Variants in CSTF3 observed in about 807,000 individuals in gnomAD.
The protein encoded by CSTF3 is CF-1 77 kDa subunit.
In CSTF3, 29 loss-of-function variants were observed where a neutral mutation model predicts 105.8. The ratio of observed to expected loss-of-function variants is 0.27; its 90% CI spans 0.20 to 0.37. The LOEUF (loss-of-function observed/expected upper bound fraction) is 0.37, where lower values mean the gene tolerates loss of function less well. CSTF3 is among the 10% of genes least tolerant of loss of function. The pLI is 1.00. For synonymous variants in CSTF3, 252 were observed against 281.9 expected (o/e 0.89, Z 1.06); for missense variants, 357 against 879.3 (o/e 0.41, Z 7.51).
intron 1 of CSTF3, among the ~76,000 whole-genome samples, chr11:33,144,718 G>T (rs956978883): frequency 2.6e-5 from 4 of 152,174 alleles, no homozygotes; most frequent in African/African-American, 9.7e-5. Context: ...CATTGGAAAA[G>T]CTCTTCAGAA....
At chr11:33,151,309 A>G (rs1008030002) in intron 1 of CSTF3, among the ~76,000 whole-genome samples, 4 of 151,432 alleles carry the variant, frequency 2.6e-5, no homozygotes, top group Non-Finnish European at 4.4e-5. Context: ...TCCCACCTAG[A>G]CCTCCCGATA....
chr11:33,084,956 G>T lies in CSTF3; in HGVS notation c.*131C>A. 1 of 955,200 alleles carries T rather than the reference G, an allele frequency of 1.0e-6. No individual in the cohort carries two copies. Among genetic ancestry groups the T allele is most frequent in the Non-Finnish European group, 1.6e-6 (1 of 615,356 alleles). 59.2% of individuals were successfully genotyped at this position (955,200 alleles called of 1,614,324 possible). A position where few individuals can be genotyped will look rare whatever the true frequency, so the allele number is the denominator to read the frequency against. ...TGGTTTGTTTTTTCTCAAGAACCAT[G>T]TGATAGAGGCACCAATGACAATACA... On this transcript the variant is annotated 3_prime_UTR_variant, in exon 21 of 21. Transcript: ENST00000323959.
intron 3 of CSTF3, among the ~76,000 whole-genome samples, chr11:33,114,458 GA>G (rs35116935): frequency 2.0e-5 from 3 of 150,932 alleles, no homozygotes; most frequent in East Asian, 1.9e-4. Flanking sequence ...ATCCCTTGGG[GA>G]AAAAAAAATC....
At chr11:33,146,750 A>T (rs1212381555) in intron 1 of CSTF3, among the ~76,000 whole-genome samples, 1 of 152,086 alleles carries the variant, frequency 6.6e-6, no homozygotes, top group Non-Finnish European at 1.5e-5. Context: ...AATTTTTCTT[A>T]TTCGTCTGAG....
At chr11:33,135,021 A>T (rs1279688795) in intron 3 of CSTF3, among the ~76,000 whole-genome samples, 2 of 152,190 alleles carry the variant, frequency 1.3e-5, no homozygotes, top group Non-Finnish European at 2.9e-5. Flanking sequence ...GCTGCAGTTA[A>T]TTCTTTTAAG....
chr11:33,095,518 A>G (rs539696947), intron 15 of CSTF3, among the ~76,000 whole-genome samples: 1 of 152,314 alleles, frequency 6.6e-6, no homozygotes, highest in South Asian at 2.1e-4. Flanking sequence ...ACAACAGAAT[A>G]GGGAAATAAA....
chr11:33,136,923 T>A (rs775397092), intron 3 of CSTF3, among the ~76,000 whole-genome samples: 9 of 151,838 alleles, frequency 5.9e-5, no homozygotes, highest in Non-Finnish European at 1.0e-4. Context: ...GTCTAGGAAA[T>A]TTAGGTAAAA....
At chr11:33,148,573 G>A (rs1480113774) in intron 1 of CSTF3, among the ~76,000 whole-genome samples, 1 of 149,422 alleles carries the variant, frequency 6.7e-6, no homozygotes, top group African/African-American at 2.4e-5. Flanking sequence ...GTATGTGCCT[G>A]TAGTCTCACA....
chr11:33,151,344 T>C (rs1325391111), intron 1 of CSTF3, among the ~76,000 whole-genome samples: 1 of 151,856 alleles, frequency 6.6e-6, no homozygotes, highest in Admixed American at 6.6e-5. Context: ...TGTGCCACCA[T>C]GCCCAGCTAA....
chr11:33,119,540 G>A (rs185233726), intron 3 of CSTF3, among the ~76,000 whole-genome samples: 2 of 151,778 alleles, frequency 1.3e-5, no homozygotes, highest in African/African-American at 4.8e-5. Flanking sequence ...TTGCTTTTCT[G>A]TATTTTTTAA....
intron 3 of CSTF3, among the ~76,000 whole-genome samples, chr11:33,140,007 C>A (rs1373479881): frequency 6.6e-6 from 1 of 151,878 alleles, no homozygotes; most frequent in Admixed American, 6.6e-5. Flanking sequence ...GTTTAACTTA[C>A]GCTATAATAA....
chr11:33,130,106 C>G (rs761738762), intron 3 of CSTF3, among the ~76,000 whole-genome samples: 1 of 152,188 alleles, frequency 6.6e-6, no homozygotes, highest in Non-Finnish European at 1.5e-5. Flanking sequence ...TTTTTAAATA[C>G]AGAGCTAGAT....
At chr11:33,142,650 T>C (rs1362746158) in intron 1 of CSTF3, among the ~76,000 whole-genome samples, 1 of 152,224 alleles carries the variant, frequency 6.6e-6, no homozygotes, top group Non-Finnish European at 1.5e-5. Flanking sequence ...AGAGCTTTTA[T>C]GTGGGTTTTA....
At chr11:33,088,408 G>A (rs1381449187) in intron 17 of CSTF3, among the ~76,000 whole-genome samples, 3 of 150,758 alleles carry the variant, frequency 2.0e-5, no homozygotes, top group African/African-American at 7.3e-5. Flanking sequence ...AGCCTCCTGA[G>A]TAGCTGGGAT....
chr11:33,123,401 G>C (rs1855512266), intron 3 of CSTF3, among the ~76,000 whole-genome samples: 2 of 152,078 alleles, frequency 1.3e-5, no homozygotes, highest in South Asian at 4.1e-4. Context: ...CCCTTTACAG[G>C]ATTATCAATG....
At chr11:33,153,840 A>G (rs1344364548) in intron 1 of CSTF3, among the ~76,000 whole-genome samples, 1 of 152,188 alleles carries the variant, frequency 6.6e-6, no homozygotes, top group Non-Finnish European at 1.5e-5. Context: ...ATAACACAAA[A>G]GTATGAATAG....
At chr11:33,089,344 C>CA (rs71034649) in intron 17 of CSTF3, among the ~76,000 whole-genome samples, 46,247 of 123,680 alleles carry the variant, frequency 0.37, 8,570 homozygotes, top group Non-Finnish European at 0.49. Context: ...GAGACCATCT[C>CA]AAAAAAAAAA....
chr11:33,136,664 TAA>T (rs1378265766), intron 3 of CSTF3, among the ~76,000 whole-genome samples: 2 of 152,088 alleles, frequency 1.3e-5, no homozygotes, highest in South Asian at 2.1e-4. Flanking sequence ...CTCAGCACTG[TAA>T]AAAGTCTCAT....
chr11:33,155,233 G>A (rs369000697), intron 1 of CSTF3, among the ~76,000 whole-genome samples: 16 of 151,700 alleles, frequency 1.1e-4, no homozygotes, highest in Non-Finnish European at 2.2e-4. Context: ...GCGTGGTGGC[G>A]GGCACCTATA....
Sources: allele counts gnomAD v4.1 joint callset (sites outside exome capture counted in the v4.1 genomes callset), GRCh38; gene constraint gnomAD v4.1.1; transcripts MANE v1.5; gene names NCBI Gene and HGNC (gene_info 2026-07-23, HGNC 2026-07-21).